The following STXBP5L variants were observed in gnomAD, a reference collection of about 807,000 sequenced individuals.
The protein encoded by STXBP5L is syntaxin binding protein 5L.
A neutral mutation model predicts 144.5 loss-of-function variants in STXBP5L; 65 were observed. The observed-to-expected ratio is 0.45, with a 90% CI of 0.37 to 0.55. The LOEUF (loss-of-function observed/expected upper bound fraction) is 0.55, where lower values mean the gene tolerates loss of function less well. Ranked by LOEUF, STXBP5L falls within the 20% of genes least tolerant of loss-of-function variation. The pLI, the probability that STXBP5L is intolerant of heterozygous loss-of-function variation, is 0.00. For missense variants in STXBP5L, 1,298 were observed against 1,405.5 expected (o/e 0.92, Z 1.22); for synonymous variants, 505 against 469.6 (o/e 1.08, Z -0.97).
Position 120,918,526 on chromosome 3 carries a change from A to G in STXBP5L, c.189+8759A>G, listed in dbSNP as rs1709212905. 2.6e-5 allele frequency among the ~76,000 whole-genome samples: 4 copies of G among 152,174 alleles called. No homozygotes were observed. In the South Asian group the frequency reaches 8.3e-4, roughly 31 times the overall value. On this transcript the variant is annotated intron_variant, in intron 2 of 26. Transcript: ENST00000471454. ...GCTACTCTTACATTTCATTATTTTA[A>G]TGCAAATCTCAGACATTGTACCCTT...
At chr3:120,946,970 G>A (rs143061175) in intron 2 of STXBP5L, among the ~76,000 whole-genome samples, 2 of 151,642 alleles carry the variant, frequency 1.3e-5, no homozygotes, top group Non-Finnish European at 3.0e-5. Context: ...AGTATGACTA[G>A]CCCTCCCACA....
intron 4 of STXBP5L, among the ~76,000 whole-genome samples, chr3:121,042,619 A>G (rs184456395): frequency 6.6e-6 from 1 of 152,276 alleles, no homozygotes; most frequent in Non-Finnish European, 1.5e-5. Flanking sequence ...ATTTGCATAT[A>G]TCTATATCTG....
At chr3:121,286,085 A>T (rs2051221285) in intron 19 of STXBP5L, among the ~76,000 whole-genome samples, 1 of 152,156 alleles carries the variant, frequency 6.6e-6, no homozygotes, top group Non-Finnish European at 1.5e-5. Context: ...GGAAGTTTGA[A>T]AAGTAGGCTT....
intron 22 of STXBP5L, among the ~76,000 whole-genome samples, chr3:121,402,617 T>C (rs1389678469): frequency 6.6e-6 from 1 of 152,214 alleles, no homozygotes; most frequent in African/African-American, 2.4e-5. Flanking sequence ...CTACCTATCC[T>C]ATTTCTAGAC....
chr3:121,093,072 A>G (rs1225159511), intron 5 of STXBP5L, among the ~76,000 whole-genome samples: 3 of 152,320 alleles, frequency 2.0e-5, no homozygotes, highest in Non-Finnish European at 4.4e-5. Context: ...GCTGGATTAC[A>G]TTTATTGATT....
rs1452355678 is a variant in STXBP5L, at chr3:121,362,773, C to G, written c.2177-15943C>G. 2.6e-5 allele frequency among the ~76,000 whole-genome samples: 4 copies of G among 152,058 alleles called. No homozygotes were observed. In the East Asian group the frequency reaches 7.8e-4, roughly 30 times the overall value. On this transcript the variant is annotated intron_variant, in intron 20 of 26. Transcript: ENST00000471454. ...AAGGTACAAGACAAACTCCCCTTTA[C>G]ATTTCCTTCTGCTTTTCTCAAGCAG...
intron 9 of STXBP5L, among the ~76,000 whole-genome samples, chr3:121,180,955 G>T (rs1343676962): frequency 6.6e-6 from 1 of 151,364 alleles, no homozygotes; most frequent in Non-Finnish European, 1.5e-5. Flanking sequence ...GAGAAAAGAA[G>T]CAGAGGGTAA....
chr3:121,393,248 A>G (rs943540269), intron 22 of STXBP5L, among the ~76,000 whole-genome samples: 1 of 149,044 alleles, frequency 6.7e-6, no homozygotes, highest in Non-Finnish European at 1.5e-5. Context: ...GTGCCTGTTC[A>G]TGTATTTTGC....
At chr3:121,369,558 T>A (rs1246228224) in intron 20 of STXBP5L, among the ~76,000 whole-genome samples, 1 of 150,378 alleles carries the variant, frequency 6.6e-6, no homozygotes, top group East Asian at 1.9e-4. Flanking sequence ...GGTGGTGTCG[T>A]GGTTCTTTGA....
chr3:121,206,290 C>T (rs556941465), intron 10 of STXBP5L, among the ~76,000 whole-genome samples: 1 of 152,036 alleles, frequency 6.6e-6, no homozygotes, highest in African/African-American at 2.4e-5. Flanking sequence ...TTACAAGTAG[C>T]AGGATTTATT....
chr3:121,130,184 CTT>C (rs1302804961), intron 7 of STXBP5L, among the ~76,000 whole-genome samples: 1 of 152,060 alleles, frequency 6.6e-6, no homozygotes, highest in East Asian at 1.9e-4. Flanking sequence ...TCTGATAAAA[CTT>C]AATGCACCTG....
At chr3:121,148,713 T>C (rs535940344) in intron 7 of STXBP5L, among the ~76,000 whole-genome samples, 11 of 152,206 alleles carry the variant, frequency 7.2e-5, no homozygotes, top group Non-Finnish European at 1.6e-4. Context: ...TTTGGAAAAC[T>C]GCTTGGCAGT....
At chr3:121,014,462 C>T (rs1945000695) in intron 3 of STXBP5L, among the ~76,000 whole-genome samples, 1 of 151,860 alleles carries the variant, frequency 6.6e-6, no homozygotes, top group African/African-American at 2.4e-5. Context: ...ATGATTTAAT[C>T]TTGTAGTTCA....
chr3:121,156,818 A>G (rs2046130895), intron 8 of STXBP5L, among the ~76,000 whole-genome samples: 1 of 152,026 alleles, frequency 6.6e-6, no homozygotes, highest in Admixed American at 6.6e-5. Flanking sequence ...TTAGTAATCT[A>G]GGGATGATTT....
chr3:121,051,000 A>T (rs938722937), intron 5 of STXBP5L, among the ~76,000 whole-genome samples: 1 of 152,234 alleles, frequency 6.6e-6, no homozygotes, highest in Admixed American at 6.5e-5. Context: ...GCCATTACAT[A>T]ATGGTAAAGG....
intron 5 of STXBP5L, among the ~76,000 whole-genome samples, chr3:121,103,671 A>G (rs2043547076): frequency 6.6e-6 from 1 of 152,192 alleles, no homozygotes; most frequent in South Asian, 2.1e-4. Context: ...AAACCACAAA[A>G]TAAACATATA....
chr3:121,394,473 T>C (rs2046675230), intron 22 of STXBP5L, among the ~76,000 whole-genome samples: 1 of 152,120 alleles, frequency 6.6e-6, no homozygotes, highest in Admixed American at 6.6e-5. Context: ...TATACATCCT[T>C]ATCTTGTTCC....
chr3:121,257,474 T>G lies in STXBP5L; in HGVS notation c.1832+141T>G, dbSNP rs559673673. 18 of 669,442 alleles carry G rather than the reference T, an allele frequency of 2.7e-5. No individual in the cohort carries two copies. The Admixed American group carries it at 4.0e-4, about 15-fold the overall frequency. The allele number at this position is 669,442 out of a possible 1,614,324, so 41.5% of individuals were successfully genotyped here. On this transcript the variant is annotated intron_variant, in intron 17 of 26. Coordinates refer to ENST00000471454, the MANE Select transcript of STXBP5L (RefSeq NM_001308330.2). ...ATTCTTCAGGGGTTACTCTGGTCTT[T>G]TCTTTGAACATCTGTGAAGAGGGCA...
intron 2 of STXBP5L, among the ~76,000 whole-genome samples, chr3:120,918,261 T>C (rs528044768): frequency 3.3e-5 from 5 of 152,222 alleles, no homozygotes; most frequent in Non-Finnish European, 7.4e-5. Context: ...GTTAGTTGAT[T>C]AGCAGTCTTC....
Sources: gnomAD v4.1 joint callset for allele counts (sites outside exome capture counted in the v4.1 genomes callset) on GRCh38, gnomAD v4.1.1 for gene constraint, MANE v1.5 for transcripts, NCBI Gene and HGNC (gene_info 2026-07-23, HGNC 2026-07-21) for gene names.